USH2A: variants seen among roughly 807,000 people sequenced by gnomAD.
USH2A encodes the protein usherin, also known as Usher syndrome 2A (autosomal recessive, mild).
USH2A carries 443 observed loss-of-function variants against 538.9 expected under a neutral mutation model. The observed-to-expected ratio is 0.82, with a 90% CI of 0.76 to 0.89. The LOEUF (loss-of-function observed/expected upper bound fraction) is 0.89. Among genes scored for constraint, USH2A ranks in the 40% least tolerant of loss-of-function variants. The pLI, the probability that USH2A is intolerant of heterozygous loss-of-function variation, is 0.00. For synonymous variants in USH2A, 2,413 were observed against 2,273.5 expected (o/e 1.06, Z -1.75); for missense variants, 6,633 against 6,324.8 (o/e 1.05, Z -1.65).
rs376703788 is a variant in USH2A at position 216,199,792 on chromosome 1, A to G, written c.3646T>C (p.Tyr1216His). Residue 1216 changes from tyrosine to histidine, a missense_variant, in exon 17 of 72, where the codon TAC (tyrosine) becomes CAC (histidine). Transcript: ENST00000307340. ...GTACACGCCTGTACAGAAAAATCGT[A>G]CTTGGCAAATGGAACCAGATTCCAG... ...TIWNLVPFAK[Y>H]DFSVQACTSG... The G allele has an allele frequency of 1.2e-6, 2 of 1,614,104 alleles. No homozygotes were observed. Among genetic ancestry groups the G allele is most frequent in the South Asian group, 2.2e-5 (2 of 91,082 alleles).
chr1:216,248,627 A>G (rs1034429172), intron 12 of USH2A, among the ~76,000 whole-genome samples: 3 of 152,098 alleles, frequency 2.0e-5, no homozygotes, highest in Non-Finnish European at 2.9e-5. Context: ...AAGGCATATC[A>G]TTTAATTTCA....
At position 215,804,526 on chromosome 1, in the gene USH2A, T is replaced by C. The variant is rs1571703344; in HGVS notation, c.9740-5401A>G. Among the ~76,000 whole-genome samples the C allele has an allele frequency of 1.3e-5, 2 of 148,414 alleles. 1 individual carries two copies. The highest frequency in any genetic ancestry group is 4.1e-4 in the East Asian group (2 of 4,922). The stretch of plus-strand genomic sequence containing the variant: ...GACATTTATGCAGACAAAAGATACA[T>C]GAAAAAATGCTCATCATCACTGGGC... On this transcript the variant is annotated intron_variant, in intron 49 of 71. Transcript: ENST00000307340.
At chr1:216,075,055 CA>C (rs1248718484) in intron 27 of USH2A, among the ~76,000 whole-genome samples, 1 of 151,846 alleles carries the variant, frequency 6.6e-6, no homozygotes, top group African/African-American at 2.4e-5. Flanking sequence ...AAAAATTTAG[CA>C]AAAAACATCA....
At chr1:216,407,488 C>T (rs2039413909) in intron 3 of USH2A, among the ~76,000 whole-genome samples, 1 of 151,886 alleles carries the variant, frequency 6.6e-6, no homozygotes, top group South Asian at 2.1e-4. Context: ...ATTATGCATC[C>T]AGGACACTAC....
chr1:216,259,484 T>C (rs756374730), intron 11 of USH2A, among the ~76,000 whole-genome samples: 14 of 152,098 alleles, frequency 9.2e-5, no homozygotes, highest in Non-Finnish European at 1.9e-4. Context: ...ATATATCCTA[T>C]TGTGATCAAG....
chr1:215,633,189 G>A (rs917826889), intron 70 of USH2A, among the ~76,000 whole-genome samples: 20 of 152,170 alleles, frequency 1.3e-4, no homozygotes, highest in African/African-American at 4.8e-4. Flanking sequence ...CCAAGGAGCA[G>A]CAGCAGTAAT....
intron 15 of USH2A, among the ~76,000 whole-genome samples, chr1:216,214,609 A>T (rs533424322): frequency 6.6e-6 from 1 of 152,192 alleles, no homozygotes; most frequent in East Asian, 1.9e-4. Flanking sequence ...AGTGTTCTAC[A>T]ATTGGATTAT....
intron 32 of USH2A, among the ~76,000 whole-genome samples, chr1:216,012,882 A>G (rs566906335): frequency 2.0e-5 from 3 of 151,982 alleles, no homozygotes; most frequent in East Asian, 1.9e-4. Flanking sequence ...ACTGTGCCCC[A>G]AAAAAACTTG....
intron 44 of USH2A, among the ~76,000 whole-genome samples, chr1:215,847,591 G>A (rs1207594345): frequency 6.6e-6 from 1 of 151,748 alleles, no homozygotes; most frequent in African/African-American, 2.4e-5. Flanking sequence ...GTTGTGGTGA[G>A]CTGAGATCGT....
At chr1:216,082,491 C>A (rs959946980) in intron 26 of USH2A, among the ~76,000 whole-genome samples, 2 of 148,612 alleles carry the variant, frequency 1.3e-5, no homozygotes, top group African/African-American at 4.9e-5. Context: ...ATGAACGTAT[C>A]TTAGACTCTT....
In USH2A at chr1:215,696,949, T is replaced by C. The variant is rs1658829851; in HGVS notation, c.12067-16573A>G. ...AAAACACTTCCATTACACCCTCTTT[T>C]TTTTTTGTTTGTTTGTTTTTTGAGA... is the stretch of plus-strand genomic sequence containing the variant. On this transcript the variant is annotated intron_variant, in intron 61 of 71. Coordinates refer to ENST00000307340, the MANE Select transcript of USH2A (RefSeq NM_206933.4). Among the ~76,000 whole-genome samples, 3 of 152,022 alleles carry C rather than the reference T, an allele frequency of 2.0e-5. No homozygotes were observed. The East Asian group carries it at 5.8e-4, about 29-fold the overall frequency.
At chr1:215,682,155 A>C (rs1375265176) in intron 61 of USH2A, among the ~76,000 whole-genome samples, 1 of 152,214 alleles carries the variant, frequency 6.6e-6, no homozygotes, top group Non-Finnish European at 1.5e-5. Context: ...CATGGGCAAG[A>C]TTAATAATGC....
At chr1:216,222,899 A>G (rs535389387) in intron 14 of USH2A, among the ~76,000 whole-genome samples, 93 of 151,302 alleles carry the variant, frequency 6.1e-4, no homozygotes, top group African/African-American at 2.1e-3. Context: ...AATCATTTGA[A>G]CCCAGGAGGC....
rs369335995 is a variant in USH2A at position 215,675,353 on chromosome 1, A to G, written c.12558T>C (p.Ile4186=). The change falls in exon 63 of 72, where the codon ATT becomes ATC. Residue 4186 remains isoleucine, a synonymous_variant. Coordinates refer to ENST00000307340, the MANE Select transcript of USH2A (RefSeq NM_206933.4). Reference sequence around the variant, plus strand: ...AGCATCTGCGAATCACTTCATAGCGAATTATTTTTCCATTTGGGTTAACAG... The same window carrying G: ...AGCATCTGCGAATCACTTCATAGCGGATTATTTTTCCATTTGGGTTAACAG... The part of the protein sequence containing the change: ...SEPVNPNGKI[I]RYEVIRRCFE... 1.2e-4 allele frequency: 197 copies of G among 1,613,978 alleles called. No individual in the cohort carries two copies. Among genetic ancestry groups the G allele is most frequent in the Non-Finnish European group, 1.5e-4 (182 of 1,180,032 alleles).
chr1:216,077,981 G>A, intron 27 of USH2A, 108 bp downstream of exon 27: 4 of 1,353,540 alleles, frequency 3.0e-6, no homozygotes, highest in Non-Finnish European at 3.2e-6. Flanking sequence ...ATGCTGTTGG[G>A]TGCTGCTTTT....
At chr1:215,763,866 TA>T (rs950379929) in intron 56 of USH2A, among the ~76,000 whole-genome samples, 7 of 151,572 alleles carry the variant, frequency 4.6e-5, no homozygotes, top group Admixed American at 3.3e-4. Flanking sequence ...ACAATTTTTT[TA>T]AAAAAAATTC....
At chr1:215,673,280 G>C (rs955527286) in intron 63 of USH2A, among the ~76,000 whole-genome samples, 1 of 152,096 alleles carries the variant, frequency 6.6e-6, no homozygotes, top group African/African-American at 2.4e-5. Context: ...CACATCACTA[G>C]ATTACAATAA....
intron 44 of USH2A, among the ~76,000 whole-genome samples, chr1:215,861,666 A>T (rs779335993): frequency 2.0e-5 from 3 of 152,188 alleles, no homozygotes; most frequent in Non-Finnish European, 4.4e-5. Flanking sequence ...ATACCCAAAA[A>T]GATGCAGATT....
At chr1:215,953,145 T>A (rs1484482170) in intron 37 of USH2A, among the ~76,000 whole-genome samples, 1 of 152,072 alleles carries the variant, frequency 6.6e-6, no homozygotes, top group African/African-American at 2.4e-5. Flanking sequence ...CTGCCCAAGG[T>A]AATTTATAGA....
Sources: gnomAD v4.1 joint callset for allele counts (sites outside exome capture counted in the v4.1 genomes callset) on GRCh38, gnomAD v4.1.1 for gene constraint, MANE v1.5 for transcripts, NCBI Gene and HGNC (gene_info 2026-07-23, HGNC 2026-07-21) for gene names.